Variants in GRID2 observed in about 807,000 individuals in gnomAD.
GRID2 encodes glutamate ionotropic receptor delta type subunit 2.
A neutral mutation model predicts 114.8 loss-of-function variants in GRID2; 33 were observed. The ratio of observed to expected loss-of-function variants is 0.29; its 90% CI spans 0.22 to 0.38. The LOEUF (loss-of-function observed/expected upper bound fraction) is 0.38. GRID2 is among the 10% of genes least tolerant of loss of function. GRID2 has a pLI of 1.00. For missense variants in GRID2, 1,184 were observed against 1,257.7 expected (o/e 0.94, Z 0.89); for synonymous variants, 505 against 449.9 (o/e 1.12, Z -1.55).
At position 93,468,945 on chromosome 4, in the gene GRID2, T is replaced by A. The variant is rs570974027; in HGVS notation, c.1858+12971T>A. Among the ~76,000 whole-genome samples, 4 of 152,276 alleles carry A rather than the reference T, an allele frequency of 2.6e-5. No individual in the cohort carries two copies. In the East Asian group the frequency reaches 7.7e-4, roughly 29 times the overall value. On this transcript the variant is annotated intron_variant, in intron 11 of 15. Transcript: ENST00000282020. The stretch of plus-strand genomic sequence containing the variant: ...ATGTATACATGTTTAGGTAGATACA[T>A]GCTGGTTGCAAAATATACCCAGCCA...
intron 1 of GRID2, among the ~76,000 whole-genome samples, chr4:93,795,137 T>C (rs1185061562): frequency 6.6e-6 from 1 of 151,988 alleles, no homozygotes; most frequent in Non-Finnish European, 1.5e-5. Flanking sequence ...TATGATATAT[T>C]TAATCTCAGA....
At chr4:92,659,687 T>C (rs1579787482) in intron 2 of GRID2, among the ~76,000 whole-genome samples, 1 of 151,466 alleles carries the variant, frequency 6.6e-6, no homozygotes, top group African/African-American at 2.4e-5. Flanking sequence ...AAGTAAGTTA[T>C]ACAAAATAAT....
chr4:93,736,948 A>C (rs1730976494), intron 14 of GRID2, among the ~76,000 whole-genome samples: 1 of 151,796 alleles, frequency 6.6e-6, no homozygotes, highest in African/African-American at 2.4e-5. Context: ...AAGGGTCTCC[A>C]GATCACCATC....
At chr4:92,491,451 C>T (rs1449551399) in intron 1 of GRID2, among the ~76,000 whole-genome samples, 1 of 152,146 alleles carries the variant, frequency 6.6e-6, no homozygotes, top group Non-Finnish European at 1.5e-5. Flanking sequence ...ATCAGGTTAG[C>T]TCAGTTCTTT....
chr4:92,844,436 G>A (rs973898662), intron 2 of GRID2, among the ~76,000 whole-genome samples: 1 of 151,986 alleles, frequency 6.6e-6, no homozygotes, highest in African/African-American at 2.4e-5. Flanking sequence ...TTACTCAGGA[G>A]GCTGAGGCAG....
intron 1 of GRID2, among the ~76,000 whole-genome samples, chr4:92,493,036 G>A (rs960493218): frequency 6.6e-6 from 1 of 151,040 alleles, no homozygotes; most frequent in Non-Finnish European, 1.5e-5. Flanking sequence ...GGCTGAGGTC[G>A]GAGAATTGCT....
At chr4:93,367,322 T>G (rs895553612) in intron 8 of GRID2, among the ~76,000 whole-genome samples, 1 of 151,766 alleles carries the variant, frequency 6.6e-6, no homozygotes, top group Non-Finnish European at 1.5e-5. Context: ...CACCCAGTCA[T>G]GCCATCATCA....
At chr4:93,343,679 A>AT (rs1363205928) in intron 8 of GRID2, among the ~76,000 whole-genome samples, 34 of 95,886 alleles carry the variant, frequency 3.5e-4, no homozygotes, top group African/African-American at 1.4e-3. Flanking sequence ...TCATCAAAAA[A>AT]ATTTTTTTAA....
intron 8 of GRID2, among the ~76,000 whole-genome samples, chr4:93,316,343 G>GAAAGAAAGAAAGAAAGAAAGAAAGAAA (rs1560491069): frequency 1.8e-5 from 1 of 55,076 alleles, no homozygotes; most frequent in Non-Finnish European, 4.1e-5. Context: ...AAAGAAAGAA[G>GAAAGAAAGAAAGAAAGAAAGAAAGAAA]GAAGGAAGGA....
chr4:92,425,809 G>A (rs34121315), intron 1 of GRID2, among the ~76,000 whole-genome samples: 2 of 152,010 alleles, frequency 1.3e-5, no homozygotes, highest in African/African-American at 4.8e-5. Flanking sequence ...TTATGAAAGA[G>A]ATGAAAAATG....
At chr4:93,618,647 T>C (rs1472307794) in intron 13 of GRID2, among the ~76,000 whole-genome samples, 1 of 152,168 alleles carries the variant, frequency 6.6e-6, no homozygotes, top group East Asian at 1.9e-4. Flanking sequence ...TGGTAACAAA[T>C]ATCTAAGGAA....
chr4:92,918,033 C>T (rs375362265), intron 2 of GRID2, among the ~76,000 whole-genome samples: 1 of 151,954 alleles, frequency 6.6e-6, no homozygotes, highest in Non-Finnish European at 1.5e-5. Context: ...TCATTGAGCA[C>T]TGGTTTGTAG....
chr4:92,922,030 T>C (rs1271040056), intron 2 of GRID2, among the ~76,000 whole-genome samples: 1 of 152,224 alleles, frequency 6.6e-6, no homozygotes, highest in African/African-American at 2.4e-5. Context: ...GTTTACCTAC[T>C]CAAGCCTGGG....
intron 2 of GRID2, chr4:92,822,445 CT>C (rs1471272737): frequency 1.0e-5 from 5 of 501,160 alleles, no homozygotes; most frequent in Non-Finnish European, 2.0e-5. Context: ...GATAGTGTTG[CT>C]GCCGTTAGGT....
chr4:93,016,050 A>AGTGTGTGTGTGAGTGT (rs1722669650), intron 2 of GRID2, among the ~76,000 whole-genome samples: 1 of 124,060 alleles, frequency 8.1e-6, no homozygotes, highest in Non-Finnish European at 1.7e-5. Flanking sequence ...GGGAGGGGGA[A>AGTGTGTGTGTGAGTGT]GTGTGTGTGT....
intron 12 of GRID2, among the ~76,000 whole-genome samples, chr4:93,501,071 C>A (rs978279314): frequency 6.6e-6 from 1 of 151,868 alleles, no homozygotes; most frequent in Non-Finnish European, 1.5e-5. Context: ...TGTGTGAGTA[C>A]TTAGTGGGTT....
intron 2 of GRID2, among the ~76,000 whole-genome samples, chr4:93,053,655 C>T (rs1360363092): frequency 6.6e-6 from 1 of 151,862 alleles, no homozygotes; most frequent in Non-Finnish European, 1.5e-5. Context: ...TAAAGAGAAC[C>T]TCAAGGTGAC....
chr4:93,796,001 C>A (rs948004281), intron 1 of GRID2, among the ~76,000 whole-genome samples: 1 of 152,160 alleles, frequency 6.6e-6, no homozygotes, highest in Non-Finnish European at 1.5e-5. Context: ...CACATGGTTG[C>A]TGGAAGAATT....
chr4:93,037,608 A>T (rs943169644), intron 2 of GRID2, among the ~76,000 whole-genome samples: 3 of 152,132 alleles, frequency 2.0e-5, no homozygotes, highest in African/African-American at 7.2e-5. Flanking sequence ...TCTTGAGTTA[A>T]TTTTTGTATA....
Sources: gnomAD v4.1 joint callset for allele counts (sites outside exome capture counted in the v4.1 genomes callset) on GRCh38, gnomAD v4.1.1 for gene constraint, MANE v1.5 for transcripts, NCBI Gene and HGNC (gene_info 2026-07-23, HGNC 2026-07-21) for gene names.